The following AGBL4 variants were observed in gnomAD, a reference collection of about 807,000 sequenced individuals.
AGBL4 encodes AGBL carboxypeptidase 4.
A neutral mutation model predicts 66.4 loss-of-function variants in AGBL4; 58 were observed. The observed-to-expected ratio is 0.87, with a 90% CI of 0.71 to 1.09. AGBL4 has a LOEUF of 1.09. AGBL4 is among the 50% of genes least tolerant of loss of function. AGBL4 has a pLI of 0.00. For synonymous variants in AGBL4, 234 were observed against 222.9 expected, an observed-to-expected ratio of 1.05 and a Z score of -0.44; for missense variants, 579 against 631.0, an observed-to-expected ratio of 0.92 and a Z score of 0.88.
downstream of AGBL4, among the ~76,000 whole-genome samples, chr1:48,528,065 C>A (rs1267930628): frequency 6.6e-6 from 1 of 152,068 alleles, no homozygotes; most frequent in Non-Finnish European, 1.5e-5. Flanking sequence ...GAGGGAAATG[C>A]ACAACAAACC....
intron 2 of AGBL4, among the ~76,000 whole-genome samples, chr1:49,709,904 C>A (rs1342181318): frequency 1.3e-5 from 2 of 152,106 alleles, no homozygotes; most frequent in Non-Finnish European, 2.9e-5. Flanking sequence ...CCATCTCATG[C>A]CAGTTAGAAT....
At chr1:49,195,666 T>C (rs898031417) in intron 4 of AGBL4, among the ~76,000 whole-genome samples, 1 of 152,190 alleles carries the variant, frequency 6.6e-6, no homozygotes, top group Non-Finnish European at 1.5e-5. Flanking sequence ...TTCCGGGTGA[T>C]CTTGGACCTC....
intron 5 of AGBL4, among the ~76,000 whole-genome samples, chr1:49,019,027 TACATTC>T (rs1202028680): frequency 6.6e-6 from 1 of 152,158 alleles, no homozygotes; most frequent in African/African-American, 2.4e-5. Flanking sequence ...CTTAGGTATG[TACATTC>T]GAGAAGATAC....
chr1:49,172,895 G>A (rs1316472290), intron 4 of AGBL4, among the ~76,000 whole-genome samples: 1 of 152,208 alleles, frequency 6.6e-6, no homozygotes, highest in African/African-American at 2.4e-5. Flanking sequence ...GGAGGCTGAG[G>A]TGGGCAAATC....
chr1:48,620,993 A>G (rs1645404315), intron 9 of AGBL4, among the ~76,000 whole-genome samples: 1 of 152,098 alleles, frequency 6.6e-6, no homozygotes, highest in South Asian at 2.1e-4. Context: ...CCTAATCCCT[A>G]TCAGATTAAA....
At chr1:49,099,974 C>T (rs761630186) in intron 4 of AGBL4, among the ~76,000 whole-genome samples, 45 of 152,066 alleles carry the variant, frequency 3.0e-4, no homozygotes, top group Non-Finnish European at 5.0e-4. Context: ...AGGGTGTGGG[C>T]AGGAACAGTC....
At chr1:49,684,614 C>T (rs561980997) in intron 3 of AGBL4, among the ~76,000 whole-genome samples, 2 of 152,104 alleles carry the variant, frequency 1.3e-5, no homozygotes, top group Non-Finnish European at 2.9e-5. Flanking sequence ...AATATAACTA[C>T]CCCATTCTAA....
At chr1:49,059,298 C>T (rs907241552) in intron 4 of AGBL4, among the ~76,000 whole-genome samples, 17 of 152,228 alleles carry the variant, frequency 1.1e-4, no homozygotes, top group African/African-American at 3.6e-4. Flanking sequence ...CTTGGACCAT[C>T]GCTTCAGAGG....
intron 5 of AGBL4, among the ~76,000 whole-genome samples, chr1:48,894,787 A>G (rs1484567713): frequency 6.6e-6 from 1 of 152,232 alleles, no homozygotes; most frequent in African/African-American, 2.4e-5. Flanking sequence ...ATAATTTGCT[A>G]CAATGAACAA....
chr1:49,657,312 A>G (rs557031500), intron 3 of AGBL4, among the ~76,000 whole-genome samples: 1 of 152,282 alleles, frequency 6.6e-6, no homozygotes, highest in Admixed American at 6.5e-5. Flanking sequence ...GATGTGAAGG[A>G]CCTCTTCAAG....
chr1:49,444,529 C>CT (rs894235410), intron 3 of AGBL4, among the ~76,000 whole-genome samples: 1 of 151,688 alleles, frequency 6.6e-6, no homozygotes, highest in Non-Finnish European at 1.5e-5. Flanking sequence ...ATGTAATAAC[C>CT]TTTTTTTTCC....
In AGBL4 at chr1:49,842,032, G is replaced by C. The variant is rs560064717; in HGVS notation, c.157+9364C>G. Reference sequence around the variant, plus strand: ...CTCTTTGCACCCAGCCCATATTCACGTGCAGCCTCCTCCTTGTGCCCAGCC... The same window carrying C: ...CTCTTTGCACCCAGCCCATATTCACCTGCAGCCTCCTCCTTGTGCCCAGCC... On this transcript the variant is annotated intron_variant, in intron 2 of 13. Coordinates refer to ENST00000371839, the MANE Select transcript of AGBL4 (RefSeq NM_032785.4). 2.1e-5 allele frequency: 8 copies of C among 389,054 alleles called. 1 individual carries two copies. Among genetic ancestry groups the C allele is most frequent in the South Asian group, 2.0e-4 (8 of 39,232 alleles). 24.1% of individuals were successfully genotyped at this position (389,054 alleles called of 1,614,324 possible). A position where few individuals can be genotyped will look rare whatever the true frequency, so the allele number is the denominator to read the frequency against.
chr1:49,194,287 T>A (rs1326209324), intron 4 of AGBL4, among the ~76,000 whole-genome samples: 2 of 147,434 alleles, frequency 1.4e-5, no homozygotes, highest in African/African-American at 5.0e-5. Flanking sequence ...TCTTTTTTTT[T>A]ACCATTTTTG....
chr1:49,668,453 ATAAAT>A (rs1389767733), intron 3 of AGBL4, among the ~76,000 whole-genome samples: 5 of 152,212 alleles, frequency 3.3e-5, no homozygotes, highest in African/African-American at 1.2e-4. Flanking sequence ...TATTACGGAA[ATAAAT>A]TAAACTTTGC....
intron 4 of AGBL4, among the ~76,000 whole-genome samples, chr1:49,128,417 A>G (rs1460843732): frequency 6.6e-6 from 1 of 152,086 alleles, no homozygotes; most frequent in African/African-American, 2.4e-5. Context: ...ATTATGAAAA[A>G]CAAGGTTGGA....
At chr1:49,036,488 G>T (rs1487753871) in intron 5 of AGBL4, among the ~76,000 whole-genome samples, 3 of 152,098 alleles carry the variant, frequency 2.0e-5, no homozygotes, top group Admixed American at 2.0e-4. Flanking sequence ...TTCTCTGGGG[G>T]TAGGAGAAAA....
intron 9 of AGBL4, among the ~76,000 whole-genome samples, chr1:48,596,839 C>A (rs943253726): frequency 1.5e-4 from 23 of 151,688 alleles, no homozygotes; most frequent in African/African-American, 5.3e-4. Context: ...ATTCCTGCCA[C>A]AAAAAAAGGG....
At chr1:49,614,083 T>C (rs1302005792) in intron 3 of AGBL4, among the ~76,000 whole-genome samples, 1 of 152,184 alleles carries the variant, frequency 6.6e-6, no homozygotes, top group Non-Finnish European at 1.5e-5. Flanking sequence ...AAATACATCA[T>C]ATATGCATAA....
chr1:49,933,276 T>TA lies in AGBL4; in HGVS notation c.35-81759dup, dbSNP rs564105383. On this transcript the variant is annotated intron_variant, in intron 1 of 13. Transcript: ENST00000371839. ...GGAGAGGGCATATAATTCAAAGTAATAAAAAAAACTGTCAACCAAGAATAC... is the reference window on the plus strand; with the variant it reads ...GGAGAGGGCATATAATTCAAAGTAATAAAAAAAAACTGTCAACCAAGAATAC... Among the ~76,000 whole-genome samples, 556 of 151,760 alleles carry TA rather than the reference T, an allele frequency of 3.7e-3. 5 individuals carry two copies. Among genetic ancestry groups the TA allele is most frequent in the Non-Finnish European group, 6.7e-3 (453 of 67,834 alleles).
Sources: allele counts gnomAD v4.1 joint callset (sites outside exome capture counted in the v4.1 genomes callset), GRCh38; gene constraint gnomAD v4.1.1; transcripts MANE v1.5; gene names NCBI Gene and HGNC (gene_info 2026-07-23, HGNC 2026-07-21).